B4GALT6: variants seen among roughly 807,000 people sequenced by gnomAD.
B4GALT6 encodes beta-1,4-galactosyltransferase 6, also known as UDP-Gal:beta-GlcNAc beta-1,4-galactosyltransferase 6.
B4GALT6 carries 14 observed loss-of-function variants against 46.3 expected under a neutral mutation model. That is an observed-to-expected ratio of 0.30 (90% CI 0.20 to 0.47). The LOEUF (loss-of-function observed/expected upper bound fraction) is 0.47, where lower values mean the gene tolerates loss of function less well. Ranked by LOEUF, B4GALT6 falls within the 20% of genes least tolerant of loss-of-function variation. The probability of loss-of-function intolerance (pLI) is 0.99; values close to 1 mark genes in which losing one functional copy is unlikely to be tolerated. For missense variants in B4GALT6, 386 were observed against 480.1 expected, an observed-to-expected ratio of 0.80 and a Z score of 1.83; for synonymous variants, 168 against 162.0, an observed-to-expected ratio of 1.04 and a Z score of -0.28.
intron 2 of B4GALT6, among the ~76,000 whole-genome samples, chr18:31,659,698 C>A (rs2074188149): frequency 6.6e-6 from 1 of 152,112 alleles, no homozygotes; most frequent in African/African-American, 2.4e-5. Flanking sequence ...AGTGGGAAAG[C>A]CCCAATGAGA....
intron 6 of B4GALT6, among the ~76,000 whole-genome samples, chr18:31,628,909 A>G (rs1185641876): frequency 6.6e-6 from 1 of 152,218 alleles, no homozygotes; most frequent in Non-Finnish European, 1.5e-5. Flanking sequence ...TAAAAGTTAC[A>G]TAGAATGTGC....
At chr18:31,711,736 T>G in the B4GALT6 span, among the ~76,000 whole-genome samples, 6 of 152,198 alleles carry the variant, frequency 3.9e-5, no homozygotes, top group Admixed American at 3.9e-4. Flanking sequence ...GTGCACCAAA[T>G]TCTGGAGAAT....
the B4GALT6 span, among the ~76,000 whole-genome samples, chr18:31,717,013 C>T: frequency 3.3e-5 from 5 of 151,916 alleles, no homozygotes; most frequent in African/African-American, 1.2e-4. Context: ...GCAGGAGAAT[C>T]GCTTGAATCT....
intron 3 of B4GALT6, among the ~76,000 whole-genome samples, chr18:31,649,284 A>G (rs1019119152): frequency 2.0e-5 from 3 of 150,832 alleles, no homozygotes; most frequent in African/African-American, 4.9e-5. Flanking sequence ...GTTTTCTTGA[A>G]GCAACCAAAC....
the B4GALT6 span, among the ~76,000 whole-genome samples, chr18:31,693,952 G>A: frequency 6.6e-6 from 1 of 152,126 alleles, no homozygotes; most frequent in Non-Finnish European, 1.5e-5. Context: ...GACAGAGTGA[G>A]GCTCTATCTT....
At chr18:31,668,417 A>C (rs762405792) in intron 1 of B4GALT6, among the ~76,000 whole-genome samples, 5 of 152,236 alleles carry the variant, frequency 3.3e-5, no homozygotes, top group Admixed American at 1.3e-4. Context: ...ATCATGCAAT[A>C]TACCCATGTA....
chr18:31,647,499 T>TC (rs1189359427), intron 3 of B4GALT6, among the ~76,000 whole-genome samples: 1 of 151,932 alleles, frequency 6.6e-6, no homozygotes, highest in Non-Finnish European at 1.5e-5. Flanking sequence ...CCCCTCAGAG[T>TC]CCATCAGGAG....
chr18:31,670,337 G>A (rs759191661), intron 1 of B4GALT6, among the ~76,000 whole-genome samples: 5 of 152,140 alleles, frequency 3.3e-5, no homozygotes, highest in Non-Finnish European at 7.4e-5. Flanking sequence ...TCACAGGCGT[G>A]AGCCACCGCA....
chr18:31,658,620 C>T (rs2074173031), intron 2 of B4GALT6, among the ~76,000 whole-genome samples: 1 of 152,184 alleles, frequency 6.6e-6, no homozygotes. Context: ...GGCTGCAGCC[C>T]CGGGGGAGCC....
chr18:31,700,468 T>TGTGTGTGTGTGTGA, the B4GALT6 span, among the ~76,000 whole-genome samples: 564 of 148,368 alleles, frequency 3.8e-3, 3 homozygotes, highest in African/African-American at 0.012. Flanking sequence ...TGTGTGTGTG[T>TGTGTGTGTGTGTGA]GAGAGAGAGA....
intron 1 of B4GALT6, among the ~76,000 whole-genome samples, chr18:31,674,620 G>A (rs2074395391): frequency 6.6e-6 from 1 of 152,110 alleles, no homozygotes; most frequent in Admixed American, 6.5e-5. Context: ...ATCTGTTTCT[G>A]ATGCTGAAAA....
At chr18:31,666,192 A>T in intron 2 of B4GALT6, 64 bp downstream of exon 2, 1 of 884,212 alleles carries the variant, frequency 1.1e-6, no homozygotes, top group East Asian at 2.7e-5. Context: ...AAGGCAAAAC[A>T]GACTGTAAAA....
At chr18:31,682,302 C>CT (rs966410088) in intron 1 of B4GALT6, among the ~76,000 whole-genome samples, 1 of 152,036 alleles carries the variant, frequency 6.6e-6, no homozygotes, top group Non-Finnish European at 1.5e-5. Context: ...AAAAAGGAGG[C>CT]TTTTTTTGGC....
Position 31,631,066 on chromosome 18 carries a change from A to G in B4GALT6, c.669T>C (p.Cys223=), listed in dbSNP as rs115587085. Residue 223 remains cysteine, a synonymous_variant, in exon 6 of 9, where the codon TGT becomes TGC. Transcript: ENST00000306851. ...GATGATCCACATCGTGGAAGATTAC[A>G]CAGTCCCAGACACTGTCTTTCATGG... is the stretch of plus-strand genomic sequence containing the variant. ...KEAMKDSVWD[C]VIFHDVDHLP... 731 of 1,614,234 alleles carry G rather than the reference A, an allele frequency of 4.5e-4. 7 individuals carry two copies. The African/African-American group carries it at 8.9e-3, about 20-fold the overall frequency.
chr18:31,716,894 G>T, the B4GALT6 span, among the ~76,000 whole-genome samples: 1 of 152,210 alleles, frequency 6.6e-6, no homozygotes, highest in African/African-American at 2.4e-5. Context: ...GAGGTCAGGA[G>T]TTAGAGACCA....
rs553495483 is a variant in B4GALT6, at chr18:31,662,774, G to A, written c.232+3482C>T. Among the ~76,000 whole-genome samples, 5 of 152,220 alleles carry A rather than the reference G, an allele frequency of 3.3e-5. No homozygotes were observed. The South Asian group carries it at 1.0e-3, about 32-fold the overall frequency. Reference sequence around the variant, plus strand: ...GAGAATGGCCTGAACCCAGGAGGCGGAGCTTGCAGTGAGCTGAGATCATAC... The same window carrying A: ...GAGAATGGCCTGAACCCAGGAGGCGAAGCTTGCAGTGAGCTGAGATCATAC... On this transcript the variant is annotated intron_variant, in intron 2 of 8. Coordinates refer to ENST00000306851, the MANE Select transcript of B4GALT6 (RefSeq NM_004775.5).
the B4GALT6 span, among the ~76,000 whole-genome samples, chr18:31,706,838 T>C: frequency 0.73 from 110,500 of 152,128 alleles, 40,258 homozygotes; most frequent in African/African-American, 0.79. Flanking sequence ...ATAAAGATAA[T>C]TTCCTAAGAA....
chr18:31,634,171 G>C (rs1206024482), intron 5 of B4GALT6, among the ~76,000 whole-genome samples: 1 of 152,180 alleles, frequency 6.6e-6, no homozygotes, highest in East Asian at 1.9e-4. Context: ...GGGGTCCCTA[G>C]GGTCAGCATG....
intron 3 of B4GALT6, 56 bp from the exon 4 acceptor site, chr18:31,645,535 T>C (rs1308047628): frequency 1.3e-6 from 2 of 1,543,580 alleles, no homozygotes; most frequent in Non-Finnish European, 1.8e-6. Flanking sequence ...AAAGATCTAG[T>C]AGAACAAATA....
Sources: allele counts gnomAD v4.1 joint callset (sites outside exome capture counted in the v4.1 genomes callset), GRCh38; gene constraint gnomAD v4.1.1; transcripts MANE v1.5; gene names NCBI Gene and HGNC (gene_info 2026-07-23, HGNC 2026-07-21).